Variants in CROCC observed in about 807,000 individuals in gnomAD.
CROCC encodes the protein ciliary rootlet coiled-coil, rootletin, also known as rootletin.
CROCC carries 180 observed loss-of-function variants against 245.2 expected under a neutral mutation model. The observed-to-expected ratio is 0.73, with a 90% CI of 0.65 to 0.83. The LOEUF (loss-of-function observed/expected upper bound fraction) is 0.83, where lower values mean the gene tolerates loss of function less well. Ranked by LOEUF, CROCC falls within the 40% of genes least tolerant of loss-of-function variation. The pLI is 0.00. For synonymous variants in CROCC, 1,205 were observed against 1,241.6 expected (o/e 0.97, Z 0.62); for missense variants, 2,688 against 2,779.4 (o/e 0.97, Z 0.74).
chr1:16,972,287 G>C (rs2076534606), intron 36 of CROCC, 73 bp from the exon 37 acceptor site: 12 of 1,196,078 alleles, frequency 1.0e-5, no homozygotes, highest in Non-Finnish European at 1.5e-5. Context: ...GTCCCTCCGG[G>C]TTCCCTGCTG....
At position 16,960,741 on chromosome 1, in the gene CROCC, T is replaced by A. The variant is rs116312496; in HGVS notation, c.4033-17T>A. Reference sequence around the variant, plus strand: ...GGGAGAGGTCTTGCCGACCTCCACCTCCTGGCATCACTCCAGCTCCAGGTA... The same window carrying A: ...GGGAGAGGTCTTGCCGACCTCCACCACCTGGCATCACTCCAGCTCCAGGTA... On this transcript the variant is annotated splice_polypyrimidine_tract_variant and intron_variant, in intron 26 of 36. Transcript: ENST00000375541. 2,829 of 1,500,088 alleles carry A rather than the reference T, an allele frequency of 1.9e-3. 29 individuals carry two copies. The African/African-American group carries it at 0.029, about 15-fold the overall frequency. The allele number at this position is 1,500,088 out of a possible 1,614,324, so 92.9% of individuals were successfully genotyped here.
At position 16,970,343 on chromosome 1, in the gene CROCC, G is replaced by A. The variant is rs535987847; in HGVS notation, c.5542G>A (p.Gly1848Arg). ...GCGGCGGCTGCTGCAGGAGCGCCTG[G>A]GAAGCCTGCAGCGCGCCCTGGCTCA... ...DERRLLQERL[G>R]SLQRALAQLE... The change falls in exon 34 of 37, where the codon GGA becomes AGA. Residue 1848 changes from glycine to arginine, a missense_variant. Physicochemically the swap from Gly to Arg is moderately radical, Grantham distance 125. Coordinates refer to ENST00000375541, the MANE Select transcript of CROCC (RefSeq NM_014675.5). The A allele has an allele frequency of 1.6e-4, 249 of 1,591,800 alleles. 1 individual carries two copies. In the South Asian group the frequency reaches 2.2e-3, roughly 14 times the overall value.
rs755266485 is a variant in CROCC at position 16,969,235 on chromosome 1, A to T, written c.5196A>T (p.Thr1732=). 6 of 1,613,316 alleles carry T rather than the reference A, an allele frequency of 3.7e-6. No individual in the cohort carries two copies. In the Admixed American group the frequency reaches 6.7e-5, roughly 18 times the overall value. ...TGCGGGACAAGGTGCGGGGCCTGAC[A>T]GAGGCCCTGGCCCAGAGCAGTGCCA... ...GALRDKVRGL[T]EALAQSSASL... is the part of the protein sequence containing the mutation. Residue 1732 remains threonine (T), a synonymous_variant, in exon 32 of 37, where the codon ACA becomes ACT. Coordinates refer to ENST00000375541, the MANE Select transcript of CROCC (RefSeq NM_014675.5).
intron 1 of CROCC, among the ~76,000 whole-genome samples, chr1:16,916,817 GTTA>G (rs1451591572): frequency 1.3e-5 from 2 of 152,278 alleles, no homozygotes; most frequent in Non-Finnish European, 1.5e-5. Flanking sequence ...CCGGCTTGCT[GTTA>G]TTATTTAAAA....
Position 16,955,536 on chromosome 1 carries a change from G to A in CROCC, c.3690G>A (p.Glu1230=). Reference sequence around the variant, plus strand: ...TTCGGTCTGCTGTGAAGAAGGCAGAGAGCGAGCGCATCAGGTGGGGTGTCG... The same window carrying A: ...TTCGGTCTGCTGTGAAGAAGGCAGAAAGCGAGCGCATCAGGTGGGGTGTCG... The part of the protein sequence containing the change: ...EELRSAVKKA[E]SERISLKLAN... Residue 1230 remains glutamate (E), a synonymous_variant, in exon 24 of 37, where the codon GAG becomes GAA. Coordinates refer to ENST00000375541, the MANE Select transcript of CROCC (RefSeq NM_014675.5). The A allele has an allele frequency of 6.5e-7, 1 of 1,545,614 alleles. No individual in the cohort carries two copies.
In CROCC at chr1:16,936,632, C is replaced by T. The variant is rs181026525; in HGVS notation, c.957-5C>T. The T allele has an allele frequency of 8.6e-3, 13,580 of 1,582,190 alleles. 39 individuals are homozygous for T. The highest frequency in any genetic ancestry group is 9.6e-3 in the Non-Finnish European group (11,121 of 1,163,026). ...TCCATCCCCAGCCTGTGCTCTCTCC[C>T]GAAGGGACCTGCTGCAGCTGGGAGG... On this transcript the variant is annotated splice_region_variant and splice_polypyrimidine_tract_variant and intron_variant, in intron 8 of 36. Transcript: ENST00000375541.
intron 13 of CROCC, among the ~76,000 whole-genome samples, chr1:16,943,862 A>G (rs1245315176): frequency 2.0e-4 from 31 of 152,390 alleles, no homozygotes; most frequent in African/African-American, 7.5e-4. Flanking sequence ...TGGAGATCAC[A>G]CCAGCACCTC....
At chr1:16,951,247 G>C in intron 20 of CROCC, 125 bp downstream of exon 20, 2 of 876,902 alleles carry the variant, frequency 2.3e-6, no homozygotes, top group Non-Finnish European at 3.2e-6. Flanking sequence ...CCTGGGGACA[G>C]CTAGGAGGAC....
At chr1:16,965,412 G>A (rs994898730) in intron 27 of CROCC, among the ~76,000 whole-genome samples, 4 of 152,216 alleles carry the variant, frequency 2.6e-5, no homozygotes, top group African/African-American at 9.6e-5. Flanking sequence ...TGGCCAGAGA[G>A]GCCTCTGAGG....
chr1:16,950,521 C>G (rs2076141134), intron 19 of CROCC, among the ~76,000 whole-genome samples: 1 of 152,080 alleles, frequency 6.6e-6, no homozygotes, highest in African/African-American at 2.4e-5. Flanking sequence ...CCACGCCTGG[C>G]TAATTGTTGT....
rs1557626491 is a variant in CROCC, at chr1:16,954,613, G to A, written c.3322-121G>A. 3 of 1,361,664 alleles carry A rather than the reference G, an allele frequency of 2.2e-6. No individual in the cohort carries two copies. The highest frequency in any genetic ancestry group is 3.0e-6 in the Non-Finnish European group (3 of 1,016,102). 84.3% of individuals were successfully genotyped at this position (1,361,664 alleles called of 1,614,324 possible). A position where few individuals can be genotyped will look rare whatever the true frequency, so the allele number is the denominator to read the frequency against. On this transcript the variant is annotated intron_variant, in intron 22 of 36. Transcript: ENST00000375541. This position sits in a 1 kb window ranked among gnomAD's most constrained non-coding sequence, Gnocchi z 4.4. ...GCATCCAGGGGTTGGCAGAGGGTCC[G>A]GCAGGCCAGCGGGAGGGGCCGTGTT...
At chr1:16,941,299 C>G (rs1391773333) in intron 13 of CROCC, 1 of 152,572 alleles carries the variant, frequency 6.6e-6, no homozygotes, top group Non-Finnish European at 1.5e-5. Context: ...GTGGCATGCT[C>G]CTGTAATCCC....
intron 30 of CROCC, among the ~76,000 whole-genome samples, chr1:16,967,370 C>T (rs2076435970): frequency 6.6e-6 from 1 of 152,320 alleles, no homozygotes; most frequent in East Asian, 1.9e-4. Context: ...GCCTGTCCCT[C>T]TATTACTGCT....
chr1:16,928,940 C>T (rs539907032), intron 3 of CROCC, among the ~76,000 whole-genome samples: 86 of 152,358 alleles, frequency 5.6e-4, no homozygotes, highest in Admixed American at 3.9e-3. Flanking sequence ...GATTCTCCTG[C>T]GTCAGCCTCT....
Position 16,948,394 on chromosome 1 carries a change from C to T in CROCC, c.2578C>T (p.Gln860Ter), listed in dbSNP as rs1054064601. 4 of 1,577,356 alleles carry T rather than the reference C, an allele frequency of 2.5e-6. No individual in the cohort carries two copies. In the African/African-American group the frequency reaches 4.0e-5, roughly 16 times the overall value. Residue 860 changes from glutamine to a stop codon, truncating the protein, a stop_gained, in exon 18 of 37, where the codon CAA becomes TAA. Transcript: ENST00000375541. LOFTEE classifies it high-confidence loss of function. Reference sequence around the variant, plus strand: ...GCAGGCCCGGCGGGAGGCCCAGCGGCAAGTGGAGGCGCTGGAGCGAGCGGC... The same window carrying T: ...GCAGGCCCGGCGGGAGGCCCAGCGGTAAGTGGAGGCGCTGGAGCGAGCGGC... Reference protein sequence around the residue: ...LEQARREAQRQVEALERAARE... With the variant: ...LEQARREAQR
intron 27 of CROCC, among the ~76,000 whole-genome samples, chr1:16,964,489 A>G (rs1281153120): frequency 6.6e-6 from 1 of 151,630 alleles, no homozygotes; most frequent in Non-Finnish European, 1.5e-5. Flanking sequence ...TCCCAGTTCA[A>G]GCAATTCTCC....
At chr1:16,924,854 G>C (rs368012336) in intron 3 of CROCC, among the ~76,000 whole-genome samples, 1 of 152,396 alleles carries the variant, frequency 6.6e-6, no homozygotes, top group East Asian at 1.9e-4. Context: ...CACGGGCCTT[G>C]GGGTTGAGGC....
rs780406516 is a variant in CROCC, at chr1:16,951,139, A to T, written c.3006+17A>T. Reference sequence around the variant, plus strand: ...CGTGAAAAGGTTCAGGCAGCTGGGGAGGGGTGGGCAGGACTCTGAGCCAGT... The same window carrying T: ...CGTGAAAAGGTTCAGGCAGCTGGGGTGGGGTGGGCAGGACTCTGAGCCAGT... On this transcript the variant is annotated intron_variant, in intron 20 of 36. Transcript: ENST00000375541. The T allele has an allele frequency of 8.8e-6, 13 of 1,479,636 alleles. No individual in the cohort carries two copies. The highest frequency in any genetic ancestry group is 5.1e-5 in the Admixed American group (2 of 39,522). 91.7% of individuals were successfully genotyped at this position (1,479,636 alleles called of 1,614,324 possible).
Position 16,965,980 on chromosome 1 carries a change from C to A in CROCC, c.4576-19C>A. 6.2e-7 allele frequency: 1 copy of A among 1,609,516 alleles called. No homozygotes were observed. Among genetic ancestry groups the A allele is most frequent in the Non-Finnish European group, 8.5e-7 (1 of 1,176,688 alleles). ...TCAGAGCAGGGGTCTGTCTTTGTTCCCCCATGTCGGGGCTACAGGACGAAC... is the reference window on the plus strand; with the variant it reads ...TCAGAGCAGGGGTCTGTCTTTGTTCACCCATGTCGGGGCTACAGGACGAAC... On this transcript the variant is annotated intron_variant, in intron 28 of 36. Transcript: ENST00000375541.
Sources: allele counts gnomAD v4.1 joint callset (sites outside exome capture counted in the v4.1 genomes callset), GRCh38; gene constraint gnomAD v4.1.1; non-coding constraint Gnocchi (gnomAD v3.1); transcripts MANE v1.5; gene names NCBI Gene and HGNC (gene_info 2026-07-23, HGNC 2026-07-21).